BMERB1: variants seen among roughly 807,000 people sequenced by gnomAD.
The protein encoded by BMERB1 is bMERB domain-containing protein 1.
BMERB1 carries 12 observed loss-of-function variants against 23.6 expected under a neutral mutation model. The ratio of observed to expected loss-of-function variants is 0.51; its 90% CI spans 0.33 to 0.82. BMERB1 has a LOEUF of 0.82. Ranked by LOEUF, BMERB1 falls within the 40% of genes least tolerant of loss-of-function variation. The pLI, the probability that BMERB1 is intolerant of heterozygous loss-of-function variation, is 0.03. For missense variants in BMERB1, 247 were observed against 255.4 expected (o/e 0.97, Z 0.22); for synonymous variants, 122 against 96.6 (o/e 1.26, Z -1.54).
At chr16:15,496,248 A>G (rs1309787179) in intron 1 of BMERB1, among the ~76,000 whole-genome samples, 1 of 152,128 alleles carries the variant, frequency 6.6e-6, no homozygotes, top group Non-Finnish European at 1.5e-5. Context: ...GGTGATGATT[A>G]TGATAGTGAT....
chr16:15,451,539 A>G (rs1598445104), intron 1 of BMERB1, among the ~76,000 whole-genome samples: 1 of 134,208 alleles, frequency 7.5e-6, no homozygotes, highest in Non-Finnish European at 1.6e-5. Flanking sequence ...ATACTGGGTC[A>G]CTCTTAGTAT....
chr16:15,571,450 C>T (rs1456189578), intron 3 of BMERB1, among the ~76,000 whole-genome samples: 10 of 152,042 alleles, frequency 6.6e-5, no homozygotes, highest in Admixed American at 2.0e-4. Flanking sequence ...TTCCGCCTCC[C>T]GGGTTCATGC....
At chr16:15,530,361 C>T (rs902084127) in intron 2 of BMERB1, among the ~76,000 whole-genome samples, 2 of 152,170 alleles carry the variant, frequency 1.3e-5, no homozygotes, top group African/African-American at 4.8e-5. Flanking sequence ...GGATGATCTC[C>T]CCATCTCAGG....
At chr16:15,475,058 C>T (rs2051263506) in intron 1 of BMERB1, among the ~76,000 whole-genome samples, 1 of 152,110 alleles carries the variant, frequency 6.6e-6, no homozygotes, top group South Asian at 2.1e-4. Context: ...GATGTATATT[C>T]ACTTTCCCCC....
At chr16:15,471,807 G>C (rs1490644417) in intron 1 of BMERB1, among the ~76,000 whole-genome samples, 2 of 151,918 alleles carry the variant, frequency 1.3e-5, no homozygotes, top group African/African-American at 4.8e-5. Context: ...CGAACTTCTG[G>C]ACTCAAGCAA....
chr16:15,472,267 A>G (rs377497162), intron 1 of BMERB1, among the ~76,000 whole-genome samples: 1 of 152,220 alleles, frequency 6.6e-6, no homozygotes, highest in South Asian at 2.1e-4. Context: ...TTAAATATCA[A>G]TTAAGTTGAA....
chr16:15,587,091 AGGAAAGGTCCTC>A lies in BMERB1; in HGVS notation c.*263_*274del. 2.1e-6 allele frequency: 1 copy of A among 473,098 alleles called. No homozygotes were observed. The highest frequency in any genetic ancestry group is 3.3e-5 in the South Asian group (1 of 30,334). 29.3% of individuals were successfully genotyped at this position (473,098 alleles called of 1,614,324 possible). On this transcript the variant is annotated 3_prime_UTR_variant, in exon 6 of 6. Coordinates refer to ENST00000300006, the MANE Select transcript of BMERB1 (RefSeq NM_033201.3). ...CTGTCTCACTGTTTATCCAAACACC[AGGAAAGGTCCTC>A]CCTCAAAAAAGCATATCTCCACTTC...
intron 1 of BMERB1, among the ~76,000 whole-genome samples, chr16:15,451,733 A>ATTT (rs71152429): frequency 5.5e-3 from 423 of 77,300 alleles, no homozygotes; most frequent in Middle Eastern, 0.014. Flanking sequence ...TAGCTAACTA[A>ATTT]TTTTTTTTTT....
chr16:15,445,634 A>G (rs1022671084), intron 1 of BMERB1, among the ~76,000 whole-genome samples: 6 of 152,182 alleles, frequency 3.9e-5, no homozygotes, highest in African/African-American at 1.4e-4. Context: ...GACTGATCAT[A>G]CTAAGTGCTG....
chr16:15,506,539 C>T (rs1339204135), intron 1 of BMERB1, among the ~76,000 whole-genome samples: 3 of 152,054 alleles, frequency 2.0e-5, no homozygotes, highest in East Asian at 1.9e-4. Flanking sequence ...AAGAAACTGA[C>T]CTCTCGGCCT....
At chr16:15,462,137 C>CG (rs2051140678) in intron 1 of BMERB1, among the ~76,000 whole-genome samples, 17 of 56,962 alleles carry the variant, frequency 3.0e-4, no homozygotes, top group Middle Eastern at 0.016. Flanking sequence ...GATGTCCTGC[C>CG]TTTTTTTTTT....
chr16:15,452,476 C>G (rs1306748677), intron 1 of BMERB1, among the ~76,000 whole-genome samples: 1 of 152,080 alleles, frequency 6.6e-6, no homozygotes, highest in East Asian at 1.9e-4. Flanking sequence ...CAGTCCCACT[C>G]TTTTGCATCT....
intron 2 of BMERB1, among the ~76,000 whole-genome samples, chr16:15,565,328 C>T (rs926205010): frequency 6.6e-6 from 1 of 152,168 alleles, no homozygotes. Context: ...TGATTTCTGT[C>T]CTCTGGTTTT....
chr16:15,538,526 A>G (rs760572278), intron 2 of BMERB1, among the ~76,000 whole-genome samples: 9 of 151,900 alleles, frequency 5.9e-5, no homozygotes, highest in Non-Finnish European at 1.2e-4. Context: ...ACTGTTTGCT[A>G]CTGTTCCATG....
At chr16:15,453,307 T>C (rs961282564) in intron 1 of BMERB1, among the ~76,000 whole-genome samples, 1 of 152,194 alleles carries the variant, frequency 6.6e-6, no homozygotes, top group African/African-American at 2.4e-5. Context: ...TTTAAAGGAA[T>C]GCTGCAGCGA....
intron 1 of BMERB1, among the ~76,000 whole-genome samples, chr16:15,439,309 A>G (rs535487075): frequency 6.6e-6 from 1 of 152,070 alleles, no homozygotes; most frequent in African/African-American, 2.4e-5. Context: ...CATCTGTGAA[A>G]TGGGGATAAT....
intron 1 of BMERB1, among the ~76,000 whole-genome samples, chr16:15,511,274 C>T (rs537106499): frequency 6.6e-6 from 1 of 152,240 alleles, no homozygotes; most frequent in East Asian, 1.9e-4. Context: ...CTCTCTCCTT[C>T]CTGCTTCTCT....
intron 2 of BMERB1, among the ~76,000 whole-genome samples, chr16:15,544,597 C>G (rs766556697): frequency 2.0e-5 from 3 of 152,222 alleles, no homozygotes; most frequent in Non-Finnish European, 4.4e-5. Flanking sequence ...TTGACACTCA[C>G]AGCTTGGCCA....
chr16:15,476,096 A>G (rs968335646), intron 1 of BMERB1, among the ~76,000 whole-genome samples: 1 of 151,770 alleles, frequency 6.6e-6, no homozygotes, highest in Admixed American at 6.6e-5. Context: ...AGGCTGAGAG[A>G]TGACCTCCCA....
Sources: gnomAD v4.1 joint callset for allele counts (sites outside exome capture counted in the v4.1 genomes callset) on GRCh38, gnomAD v4.1.1 for gene constraint, MANE v1.5 for transcripts, NCBI Gene and HGNC (gene_info 2026-07-23, HGNC 2026-07-21) for gene names.